Variants in TGFB2 observed in about 807,000 individuals in gnomAD.
TGFB2 encodes transforming growth factor beta-2 proprotein.
A neutral mutation model predicts 42.7 loss-of-function variants in TGFB2; 13 were observed. The ratio of observed to expected loss-of-function variants is 0.30; its 90% CI spans 0.20 to 0.48. The LOEUF is 0.48. TGFB2 is among the 20% of genes least tolerant of loss of function. The pLI, the probability that TGFB2 is intolerant of heterozygous loss-of-function variation, is 0.99. For synonymous variants in TGFB2, 193 were observed against 193.6 expected (o/e 1.00, Z 0.03); for missense variants, 390 against 517.5 (o/e 0.75, Z 2.39).
At chr1:218,370,403 A>AGT (rs1472257141) in intron 1 of TGFB2, among the ~76,000 whole-genome samples, 2 of 152,202 alleles carry the variant, frequency 1.3e-5, no homozygotes, top group Non-Finnish European at 2.9e-5. Flanking sequence ...AGAAATGCTT[A>AGT]GTGTGGTCTT....
chr1:218,393,606 A>G (rs1299986292), intron 1 of TGFB2, among the ~76,000 whole-genome samples: 1 of 152,216 alleles, frequency 6.6e-6, no homozygotes, highest in East Asian at 1.9e-4. Context: ...ATCACAGCAA[A>G]CAAAAGCACA....
At chr1:218,386,175 G>A (rs920627068) in intron 1 of TGFB2, among the ~76,000 whole-genome samples, 4 of 152,198 alleles carry the variant, frequency 2.6e-5, no homozygotes, top group African/African-American at 7.2e-5. Flanking sequence ...ACAGTGGAAA[G>A]AGTGTGGACT....
At chr1:218,349,528 C>A (rs1263507764) in intron 1 of TGFB2, among the ~76,000 whole-genome samples, 1 of 151,996 alleles carries the variant, frequency 6.6e-6, no homozygotes, top group Non-Finnish European at 1.5e-5. Context: ...GGTCATAAGC[C>A]CCAGAGATGA....
chr1:218,381,036 C>A (rs962066381), intron 1 of TGFB2, among the ~76,000 whole-genome samples: 5 of 152,136 alleles, frequency 3.3e-5, no homozygotes, highest in Non-Finnish European at 5.9e-5. Flanking sequence ...GTTCCAAGGT[C>A]TCTTTGTTAC....
intron 2 of TGFB2, among the ~76,000 whole-genome samples, chr1:218,420,028 A>C (rs1411099453): frequency 2.6e-5 from 4 of 152,228 alleles, no homozygotes; most frequent in African/African-American, 9.6e-5. Flanking sequence ...TATAGGTGCC[A>C]GGAGGTAGGA....
At chr1:218,436,791 G>T (rs565040491) in intron 5 of TGFB2, among the ~76,000 whole-genome samples, 1 of 152,160 alleles carries the variant, frequency 6.6e-6, no homozygotes, top group African/African-American at 2.4e-5. Flanking sequence ...GAGTAAAGTG[G>T]CACTTTTTGG....
At chr1:218,398,335 T>G (rs141606419) in intron 1 of TGFB2, among the ~76,000 whole-genome samples, 1 of 152,222 alleles carries the variant, frequency 6.6e-6, no homozygotes. Flanking sequence ...ATTCACGCAC[T>G]TTCTTCCTGC....
chr1:218,421,285 T>C (rs1182948435), intron 2 of TGFB2, among the ~76,000 whole-genome samples: 1 of 152,160 alleles, frequency 6.6e-6, no homozygotes, highest in East Asian at 1.9e-4. Flanking sequence ...ATTAAATTGC[T>C]TATTCTGTCT....
rs564487575 is a variant in TGFB2, at chr1:218,442,147, T to A, written c.*785T>A. 6.6e-6 allele frequency: 1 copy of A among 151,534 alleles called. No homozygotes were observed. Among genetic ancestry groups the A allele is most frequent in the African/African-American group, 2.4e-5 (1 of 40,996 alleles). 9.4% of individuals were successfully genotyped at this position (151,534 alleles called of 1,614,324 possible). On this transcript the variant is annotated 3_prime_UTR_variant, in exon 7 of 7. Transcript: ENST00000366930. ...GAAACTTTCAGTCAGAATAAGTCTG[T>A]AAGTTTTTTTTTTTCTTTTTAATTG...
intron 1 of TGFB2, among the ~76,000 whole-genome samples, chr1:218,381,689 C>A (rs1322956845): frequency 6.6e-6 from 1 of 152,316 alleles, no homozygotes; most frequent in Non-Finnish European, 1.5e-5. Context: ...AAACAAAACT[C>A]TATCTCTGGA....
chr1:218,389,426 C>G (rs1473363545), intron 1 of TGFB2, among the ~76,000 whole-genome samples: 2 of 152,130 alleles, frequency 1.3e-5, no homozygotes, highest in African/African-American at 4.8e-5. Flanking sequence ...CTTCCTGTAC[C>G]GGTCCCATAT....
chr1:218,393,767 C>G lies in TGFB2; in HGVS notation c.347-11402C>G, dbSNP rs73110369. Among the ~76,000 whole-genome samples the G allele has an allele frequency of 3.8e-3, 574 of 152,228 alleles. 2 individuals carry two copies. The highest frequency in any genetic ancestry group is 0.014 in the African/African-American group (563 of 41,536). On this transcript the variant is annotated intron_variant, in intron 1 of 6. Transcript: ENST00000366930. ...AGAAGAGCTGCTTCAGTGGCCTGTT[C>G]CAGCTGTGAGGACCACCTGCCCCGA...
intron 2 of TGFB2, among the ~76,000 whole-genome samples, chr1:218,416,192 T>C (rs1260034782): frequency 6.6e-6 from 1 of 152,120 alleles, no homozygotes; most frequent in Non-Finnish European, 1.5e-5. Flanking sequence ...AATAGGGGTG[T>C]CTTTTTATCT....
At chr1:218,429,004 A>T (rs1364532629) in intron 2 of TGFB2, among the ~76,000 whole-genome samples, 1 of 125,042 alleles carries the variant, frequency 8.0e-6, no homozygotes, top group Non-Finnish European at 1.6e-5. Flanking sequence ...TTTCTGAGAC[A>T]GAGTCTTGCT....
At chr1:218,371,828 C>A (rs545484859) in intron 1 of TGFB2, among the ~76,000 whole-genome samples, 151 of 152,322 alleles carry the variant, frequency 9.9e-4, no homozygotes, top group African/African-American at 3.4e-3. Context: ...GAGTTCCATG[C>A]CATCTTAAAC....
At chr1:218,405,099 T>G in intron 1 of TGFB2, 70 bp from the exon 2 acceptor site, 1 of 1,480,480 alleles carries the variant, frequency 6.8e-7, no homozygotes, top group Non-Finnish European at 9.1e-7. Context: ...TGGGATTATC[T>G]CACGCTACAG....
chr1:218,353,155 G>A (rs747625047), intron 1 of TGFB2, among the ~76,000 whole-genome samples: 2 of 152,198 alleles, frequency 1.3e-5, no homozygotes, highest in Non-Finnish European at 1.5e-5. Flanking sequence ...AGATGAAAAT[G>A]TGATTATGAG....
At chr1:218,416,073 A>G (rs1317378373) in intron 2 of TGFB2, among the ~76,000 whole-genome samples, 1 of 152,102 alleles carries the variant, frequency 6.6e-6, no homozygotes, top group Non-Finnish European at 1.5e-5. Context: ...CCATTGTTTT[A>G]TCACTGTGTA....
At chr1:218,424,461 G>A (rs915946268) in intron 2 of TGFB2, among the ~76,000 whole-genome samples, 1 of 152,160 alleles carries the variant, frequency 6.6e-6, no homozygotes, top group Non-Finnish European at 1.5e-5. Flanking sequence ...GTAATCCCTG[G>A]TTAGCAGCTT....
Sources: allele counts gnomAD v4.1 joint callset (sites outside exome capture counted in the v4.1 genomes callset), GRCh38; gene constraint gnomAD v4.1.1; transcripts MANE v1.5; gene names NCBI Gene and HGNC (gene_info 2026-07-23, HGNC 2026-07-21).